The following JADE2 variants were observed in gnomAD, a reference collection of about 807,000 sequenced individuals.
JADE2 encodes E3 ubiquitin-protein ligase Jade-2.
A neutral mutation model predicts 85.7 loss-of-function variants in JADE2; 13 were observed. That is an observed-to-expected ratio of 0.15 (90% CI 0.10 to 0.24). The LOEUF (loss-of-function observed/expected upper bound fraction) is 0.24, where lower values mean the gene tolerates loss of function less well. Ranked by LOEUF, JADE2 falls within the 10% of genes least tolerant of loss-of-function variation. The pLI is 1.00. For synonymous variants in JADE2, 440 were observed against 456.1 expected, an observed-to-expected ratio of 0.96 and a Z score of 0.45; for missense variants, 846 against 1,115.9, an observed-to-expected ratio of 0.76 and a Z score of 3.45.
intron 1 of JADE2, chr5:134,533,529 T>A: frequency 1.0e-6 from 1 of 985,308 alleles, no homozygotes; most frequent in Non-Finnish European, 1.2e-6. Flanking sequence ...GGCTCGGAAG[T>A]ACCTTCTTTG....
At chr5:134,554,421 T>G (rs929450512) in intron 4 of JADE2, among the ~76,000 whole-genome samples, 2 of 152,164 alleles carry the variant, frequency 1.3e-5, no homozygotes, top group African/African-American at 4.8e-5. Flanking sequence ...CAGTCTTGAT[T>G]AGGCTTGGCC....
intron 7 of JADE2, 106 bp from the exon 8 acceptor site, chr5:134,564,388 C>T (rs1173296169): frequency 6.0e-6 from 4 of 661,386 alleles, no homozygotes; most frequent in Non-Finnish European, 1.0e-5. Context: ...CAGCCACTGC[C>T]CTGTCTGCCC....
rs908952066 is a variant in JADE2 at position 134,583,029 on chromosome 5, T to C, written c.*3712T>C. 6.5e-5 allele frequency: 10 copies of C among 152,678 alleles called. No homozygotes were observed. Among genetic ancestry groups the C allele is most frequent in the Admixed American group, 2.6e-4 (4 of 15,278 alleles). The allele number at this position is 152,678 out of a possible 1,614,324, so 9.5% of individuals were successfully genotyped here. A position where few individuals can be genotyped will look rare whatever the true frequency, so the allele number is the denominator to read the frequency against. On this transcript the variant is annotated 3_prime_UTR_variant, in exon 12 of 12. Coordinates refer to ENST00000681547, the MANE Select transcript of JADE2 (RefSeq NM_001388185.1). The stretch of plus-strand genomic sequence containing the variant: ...AACCCTTAACGAGCAATAGAATGTA[T>C]GGTCACCTGGGTGTGGCCAGTGCCC...
chr5:134,531,527 T>A (rs1368244290), intron 1 of JADE2, among the ~76,000 whole-genome samples: 1 of 152,152 alleles, frequency 6.6e-6, no homozygotes, highest in African/African-American at 2.4e-5. Flanking sequence ...TCCTCCTGCC[T>A]CTACCTCCCA....
In JADE2 at chr5:134,555,946, G is replaced by A. The variant is rs553834269; in HGVS notation, c.311+3737G>A. Among the ~76,000 whole-genome samples, 270 of 152,160 alleles carry A rather than the reference G, an allele frequency of 1.8e-3. 1 individual carries two copies. Among genetic ancestry groups the A allele is most frequent in the Middle Eastern group, 6.8e-3 (2 of 294 alleles). Reference sequence around the variant, plus strand: ...CCCTTCCCCTTCTCCGTGCCCCCTCGACCTTATATAGGCCTTCCTCCTGGC... The same window carrying A: ...CCCTTCCCCTTCTCCGTGCCCCCTCAACCTTATATAGGCCTTCCTCCTGGC... On this transcript the variant is annotated intron_variant, in intron 4 of 11. Transcript: ENST00000681547.
At chr5:134,526,499 C>T (rs1183547368) in intron 1 of JADE2, 2 of 985,280 alleles carry the variant, frequency 2.0e-6, no homozygotes, top group Non-Finnish European at 2.4e-6. Context: ...CCTGTCTCCC[C>T]GAGTTTCATT....
intron 4 of JADE2, among the ~76,000 whole-genome samples, chr5:134,555,204 C>A (rs899181224): frequency 3.9e-5 from 6 of 152,162 alleles, no homozygotes; most frequent in African/African-American, 1.4e-4. Context: ...TGAAATCTGT[C>A]TGAACAATGA....
At chr5:134,554,583 C>T (rs145355996) in intron 4 of JADE2, among the ~76,000 whole-genome samples, 60 of 152,288 alleles carry the variant, frequency 3.9e-4, no homozygotes, top group Non-Finnish European at 6.5e-4. Context: ...GAGGAGGGCA[C>T]GTGTTCCGGC....
Position 134,538,080 on chromosome 5 carries a change from C to G in JADE2, c.150C>G (p.Ser50=). Residue 50 remains serine, a synonymous_variant, in exon 3 of 12, where the codon TCC becomes TCG. Transcript: ENST00000681547. Reference sequence around the variant, plus strand: ...CCCGACAGAACGAAAAGAAGCCCTCCGAGGTGGGTAGTGATGAGCTTCCCA... The same window carrying G: ...CCCGACAGAACGAAAAGAAGCCCTCGGAGGTGGGTAGTGATGAGCTTCCCA... ...GWPRQNEKKP[S]EVFRTDLITA... 6.2e-7 allele frequency: 1 copy of G among 1,612,698 alleles called. No individual in the cohort carries two copies. The highest frequency in any genetic ancestry group is 1.1e-5 in the South Asian group (1 of 91,058).
At chr5:134,554,018 G>C (rs1220076854) in intron 4 of JADE2, among the ~76,000 whole-genome samples, 1 of 152,170 alleles carries the variant, frequency 6.6e-6, no homozygotes, top group Non-Finnish European at 1.5e-5. Flanking sequence ...TGGGCAGCTT[G>C]GGGTTTTGGC....
chr5:134,529,362 A>G (rs1761080080), intron 1 of JADE2, among the ~76,000 whole-genome samples: 1 of 152,110 alleles, frequency 6.6e-6, no homozygotes, highest in Non-Finnish European at 1.5e-5. Context: ...AATCTAGAAT[A>G]CCCATACCCT....
At chr5:134,541,870 A>C (rs954177230) in intron 3 of JADE2, among the ~76,000 whole-genome samples, 1 of 152,264 alleles carries the variant, frequency 6.6e-6, no homozygotes, top group African/African-American at 2.4e-5. Context: ...GAGGTGCCTC[A>C]GGGCTGAAGA....
At chr5:134,537,329 C>G (rs941501064) in intron 2 of JADE2, among the ~76,000 whole-genome samples, 1 of 152,210 alleles carries the variant, frequency 6.6e-6, no homozygotes, top group South Asian at 2.1e-4. Flanking sequence ...GCCTTAGACC[C>G]TAATAATTAT....
intron 3 of JADE2, among the ~76,000 whole-genome samples, chr5:134,544,860 C>A (rs770862321): frequency 1.3e-5 from 2 of 152,104 alleles, no homozygotes; most frequent in African/African-American, 4.8e-5. Context: ...CTTAGCTCAA[C>A]CCATGCTTTT....
chr5:134,553,713 C>T (rs1762745486), intron 4 of JADE2, among the ~76,000 whole-genome samples: 1 of 152,204 alleles, frequency 6.6e-6, no homozygotes. Context: ...GAGTCAAGTG[C>T]CTGGCATACA....
intron 3 of JADE2, among the ~76,000 whole-genome samples, chr5:134,547,284 G>A (rs1010135567): frequency 6.6e-6 from 1 of 152,190 alleles, no homozygotes; most frequent in Non-Finnish European, 1.5e-5. Context: ...ACTCAGATTG[G>A]TGATTCAATT....
In JADE2 at chr5:134,581,543, C is replaced by G. The variant is rs1455660339; in HGVS notation, c.*2226C>G. Reference sequence around the variant, plus strand: ...CCATCCTGGGGCAGGGGCTGGGCCTCCCTGGTGGCAGGGGTGGGTGGAGAA... The same window carrying G: ...CCATCCTGGGGCAGGGGCTGGGCCTGCCTGGTGGCAGGGGTGGGTGGAGAA... On this transcript the variant is annotated 3_prime_UTR_variant, in exon 12 of 12. Transcript: ENST00000681547. 6.6e-6 allele frequency: 1 copy of G among 152,586 alleles called. No individual in the cohort carries two copies. Among genetic ancestry groups the G allele is most frequent in the African/African-American group, 2.4e-5 (1 of 41,456 alleles). 9.5% of individuals were successfully genotyped at this position (152,586 alleles called of 1,614,324 possible). A position where few individuals can be genotyped will look rare whatever the true frequency, so the allele number is the denominator to read the frequency against.
intron 1 of JADE2, among the ~76,000 whole-genome samples, chr5:134,528,686 A>G (rs1043514214): frequency 6.6e-6 from 1 of 152,190 alleles, no homozygotes; most frequent in Non-Finnish European, 1.5e-5. Flanking sequence ...GTGGAAAAGC[A>G]TTTGGTTCTG....
At chr5:134,547,831 C>A (rs1454084273) in intron 3 of JADE2, among the ~76,000 whole-genome samples, 1 of 152,194 alleles carries the variant, frequency 6.6e-6, no homozygotes, top group Non-Finnish European at 1.5e-5. Context: ...GGCTCCAGCC[C>A]TGCGGCTCAG....
Sources: allele counts gnomAD v4.1 joint callset (sites outside exome capture counted in the v4.1 genomes callset), GRCh38; gene constraint gnomAD v4.1.1; transcripts MANE v1.5; gene names NCBI Gene and HGNC (gene_info 2026-07-23, HGNC 2026-07-21).